MYO10: variants seen among roughly 807,000 people sequenced by gnomAD.
The protein encoded by MYO10 is myosin X.
MYO10 carries 133 observed loss-of-function variants against 257.3 expected under a neutral mutation model. That is an observed-to-expected ratio of 0.52 (90% CI 0.45 to 0.60). The LOEUF (loss-of-function observed/expected upper bound fraction) is 0.60, where lower values mean the gene tolerates loss of function less well. MYO10 is among the 20% of genes least tolerant of loss of function. The probability of loss-of-function intolerance (pLI) is 0.00; values close to 1 mark genes in which losing one functional copy is unlikely to be tolerated. For missense variants in MYO10, 2,399 were observed against 2,635.7 expected (o/e 0.91, Z 1.97); for synonymous variants, 1,104 against 1,028.6 (o/e 1.07, Z -1.40).
At chr5:16,883,207 G>A (rs949009613) in intron 1 of MYO10, among the ~76,000 whole-genome samples, 7 of 152,074 alleles carry the variant, frequency 4.6e-5, no homozygotes, top group African/African-American at 7.2e-5. Flanking sequence ...GAGCCACCGC[G>A]CCCGGCCATC....
intron 19 of MYO10, among the ~76,000 whole-genome samples, chr5:16,750,885 C>T (rs1740359825): frequency 6.6e-6 from 1 of 152,104 alleles, no homozygotes; most frequent in Non-Finnish European, 1.5e-5. Flanking sequence ...ATCCCAGCTA[C>T]TCAGGAGGCT....
intron 4 of MYO10, among the ~76,000 whole-genome samples, chr5:16,793,396 C>T (rs143991515): frequency 6.6e-6 from 1 of 152,154 alleles, no homozygotes; most frequent in African/African-American, 2.4e-5. Context: ...GTGATCTCAG[C>T]TCACTGCAAC....
intron 4 of MYO10, among the ~76,000 whole-genome samples, chr5:16,789,124 C>T (rs1741678349): frequency 6.6e-6 from 1 of 152,198 alleles, no homozygotes; most frequent in Non-Finnish European, 1.5e-5. Flanking sequence ...AAACAATGGT[C>T]CTCAACTCTG....
chr5:16,783,047 T>C (rs753726997), intron 5 of MYO10, among the ~76,000 whole-genome samples: 3 of 152,142 alleles, frequency 2.0e-5, no homozygotes, highest in Non-Finnish European at 4.4e-5. Context: ...ATGCAGGTGC[T>C]TCAAAAACAC....
At chr5:16,813,520 C>G (rs1422121263) in intron 3 of MYO10, among the ~76,000 whole-genome samples, 1 of 150,794 alleles carries the variant, frequency 6.6e-6, no homozygotes, top group Admixed American at 6.6e-5. Context: ...CACTGCATTC[C>G]AGCCCAGGAG....
intron 26 of MYO10, among the ~76,000 whole-genome samples, chr5:16,695,230 A>G (rs1435356194): frequency 6.6e-6 from 1 of 152,148 alleles, no homozygotes; most frequent in African/African-American, 2.4e-5. Flanking sequence ...GCTACTTGGG[A>G]GGCTGGGGTA....
chr5:16,694,411 C>T lies in MYO10; in HGVS notation c.3760G>A (p.Glu1254Lys), dbSNP rs764885309. Residue 1254 changes from glutamate (E) to lysine (K), a missense_variant, in exon 27 of 41, where the codon GAG (glutamate) becomes AAG (lysine). Transcript: ENST00000513610. ...TCTACGGTGCCCTTGAGCTTCTCCT[C>T]GCTGTCGTTTTCAAAGTACATCAGC... ...SKLMYFENDS[E>K]EKLKGTVEVR... 3.1e-6 allele frequency: 5 copies of T among 1,613,930 alleles called. No individual in the cohort carries two copies. The highest frequency in any genetic ancestry group is 1.1e-5 in the South Asian group (1 of 91,088).
chr5:16,712,520 A>G (rs1328998958), intron 19 of MYO10, among the ~76,000 whole-genome samples: 1 of 152,252 alleles, frequency 6.6e-6, no homozygotes, highest in African/African-American at 2.4e-5. Context: ...ATAGTGCCAT[A>G]GGACCTAACT....
At chr5:16,874,282 CGAGATCGCGCCACT>C (rs1933623143) in intron 2 of MYO10, among the ~76,000 whole-genome samples, 1 of 140,494 alleles carries the variant, frequency 7.1e-6, no homozygotes, top group African/African-American at 2.7e-5. Context: ...TGCAGTGAGC[CGAGATCGCGCCACT>C]GCACTCCAGC....
intron 32 of MYO10, among the ~76,000 whole-genome samples, 168 bp from the exon 33 acceptor site, chr5:16,680,272 A>G (rs1253283860): frequency 1.3e-5 from 2 of 152,194 alleles, no homozygotes; most frequent in Admixed American, 6.5e-5. Flanking sequence ...TCTAGTGATG[A>G]AGAAAAAAAG....
intron 19 of MYO10, among the ~76,000 whole-genome samples, chr5:16,713,694 A>G (rs1300243161): frequency 6.6e-6 from 1 of 152,132 alleles, no homozygotes; most frequent in African/African-American, 2.4e-5. Context: ...TGCGATCACA[A>G]TCACGAGGGG....
At chr5:16,898,130 A>G (rs1241289982) in intron 1 of MYO10, among the ~76,000 whole-genome samples, 1 of 152,122 alleles carries the variant, frequency 6.6e-6, no homozygotes, top group Non-Finnish European at 1.5e-5. Context: ...AATGACCACA[A>G]GCAGCTCACA....
rs1736015132 is a variant in MYO10 at position 16,662,329 on chromosome 5, T to TTTTTTTTTTTTTTTTTTTTTG, written c.*4362_*4363insCAAAAAAAAAAAAAAAAAAAA. 7.6e-6 allele frequency: 1 copy of TTTTTTTTTTTTTTTTTTTTTG among 131,380 alleles called. No homozygotes were observed. The highest frequency in any genetic ancestry group is 1.6e-5 in the Non-Finnish European group (1 of 61,924). The allele number at this position is 131,380 out of a possible 1,614,324, so 8.1% of individuals were successfully genotyped here. ...GATTTCTGAACTATTTTTTTTTTTT[T>TTTTTTTTTTTTTTTTTTTTTG]TTTTTTTTTTTGGAGACAGAGTCTT... On this transcript the variant is annotated 3_prime_UTR_variant, in exon 41 of 41. Coordinates refer to ENST00000513610, the MANE Select transcript of MYO10 (RefSeq NM_012334.3).
At chr5:16,926,632 G>T (rs1186755171) in intron 1 of MYO10, among the ~76,000 whole-genome samples, 1 of 151,860 alleles carries the variant, frequency 6.6e-6, no homozygotes, top group African/African-American at 2.4e-5. Flanking sequence ...AACTCGGGAG[G>T]TGGAGGTTGC....
Position 16,704,529 on chromosome 5 carries a change from G to C in MYO10, c.2276+50C>G, listed in dbSNP as rs768894796. The C allele has an allele frequency of 2.0e-6, 3 of 1,481,806 alleles. No individual in the cohort carries two copies. The East Asian group carries it at 6.9e-5, about 34-fold the overall frequency. 91.8% of individuals were successfully genotyped at this position (1,481,806 alleles called of 1,614,324 possible). On this transcript the variant is annotated intron_variant, in intron 22 of 40. Coordinates refer to ENST00000513610, the MANE Select transcript of MYO10 (RefSeq NM_012334.3). ...CCACTGGAACACACTGGGAAGGAAG[G>C]ACCCCCTCATGGAGCTTCCTGCCTT...
At chr5:16,914,719 T>C (rs540895220) in intron 1 of MYO10, among the ~76,000 whole-genome samples, 1 of 152,210 alleles carries the variant, frequency 6.6e-6, no homozygotes, top group Non-Finnish European at 1.5e-5. Context: ...CTAGAAAAAG[T>C]CCAAATATTT....
At position 16,672,829 on chromosome 5, in the gene MYO10, G is replaced by GA; in HGVS notation, c.5173-5dup. The GA allele has an allele frequency of 1.9e-6, 3 of 1,612,208 alleles. No homozygotes were observed. In the South Asian group the frequency reaches 3.3e-5, roughly 18 times the overall value. ...CTCGGATCAGCTTCTCCACCACCTG[G>GA]AAGACACACCAGGGGGACTTCAGTT... is the stretch of plus-strand genomic sequence containing the variant. On this transcript the variant is annotated splice_region_variant and splice_polypyrimidine_tract_variant and intron_variant, in intron 36 of 40. Coordinates refer to ENST00000513610, the MANE Select transcript of MYO10 (RefSeq NM_012334.3).
intron 19 of MYO10, among the ~76,000 whole-genome samples, chr5:16,741,108 T>A (rs1477183036): frequency 6.6e-6 from 1 of 152,186 alleles, no homozygotes; most frequent in Admixed American, 6.5e-5. Context: ...ACACCATTCC[T>A]CCATCGGGGG....
At chr5:16,848,155 C>CTTTTTTTTTTTTTCTT (rs1554002460) in intron 2 of MYO10, among the ~76,000 whole-genome samples, 22 of 113,564 alleles carry the variant, frequency 1.9e-4, no homozygotes, top group African/African-American at 6.4e-4. Context: ...CTACACATTT[C>CTTTTTTTTTTTTTCTT]TTTTTTTTTT....
Sources: allele counts gnomAD v4.1 joint callset (sites outside exome capture counted in the v4.1 genomes callset), GRCh38; gene constraint gnomAD v4.1.1; transcripts MANE v1.5; gene names NCBI Gene and HGNC (gene_info 2026-07-23, HGNC 2026-07-21).